The following SPRED1 variants were observed in gnomAD, a reference collection of about 807,000 sequenced individuals.
The protein encoded by SPRED1 is sprouty-related, EVH1 domain-containing protein 1.
Under a neutral mutation model 52.3 loss-of-function variants are expected in SPRED1, and 18 were observed. The ratio of observed to expected loss-of-function variants is 0.34; its 90% CI spans 0.24 to 0.51. The LOEUF (loss-of-function observed/expected upper bound fraction) is 0.51. SPRED1 is among the 20% of genes least tolerant of loss of function. The probability of loss-of-function intolerance (pLI) is 0.97; values close to 1 mark genes in which losing one functional copy is unlikely to be tolerated. For missense variants in SPRED1, 485 were observed against 551.0 expected, an observed-to-expected ratio of 0.88 and a Z score of 1.20; for synonymous variants, 155 against 179.7, an observed-to-expected ratio of 0.86 and a Z score of 1.10.
intron 1 of SPRED1, among the ~76,000 whole-genome samples, chr15:38,288,486 T>C (rs578178475): frequency 7.2e-5 from 11 of 152,108 alleles, no homozygotes; most frequent in Admixed American, 3.3e-4. Flanking sequence ...AAAGAAATAG[T>C]GGAGAGAAGG....
At chr15:38,274,282 C>G (rs1365990369) in intron 1 of SPRED1, among the ~76,000 whole-genome samples, 2 of 152,116 alleles carry the variant, frequency 1.3e-5, no homozygotes, top group Admixed American at 6.6e-5. Context: ...TTGTTTCTTC[C>G]CACAGACTGG....
chr15:38,351,089 T>C lies in SPRED1; in HGVS notation c.760T>C (p.Leu254=). ...EIVRINPRDI[L]IRRYADYRHP... is the part of the protein sequence containing the mutation. ...TGTCAGAATAAACCCTCGAGATATC[T>C]TAATACGTCGCTATGCAGACTACAG... The change falls in exon 7 of 7, where the codon TTA becomes CTA. Residue 254 remains leucine (L), a synonymous_variant. Transcript: ENST00000299084. 1 of 1,614,004 alleles carries C rather than the reference T, an allele frequency of 6.2e-7. No homozygotes were observed. The highest frequency in any genetic ancestry group is 8.5e-7 in the Non-Finnish European group (1 of 1,179,986).
At chr15:38,347,096 T>A (rs1258379488) in intron 5 of SPRED1, among the ~76,000 whole-genome samples, 2 of 152,152 alleles carry the variant, frequency 1.3e-5, no homozygotes, top group African/African-American at 4.8e-5. Flanking sequence ...GTTGAATTTA[T>A]CATTTCTCAT....
chr15:38,317,871 C>T (rs1396459567), intron 2 of SPRED1, among the ~76,000 whole-genome samples: 1 of 147,222 alleles, frequency 6.8e-6, no homozygotes, highest in Non-Finnish European at 1.5e-5. Flanking sequence ...CAGTTGGTAT[C>T]TGTCTCTGTT....
Position 38,300,062 on chromosome 15 carries a change from T to A in SPRED1, c.207+515T>A, listed in dbSNP as rs577871630. Among the ~76,000 whole-genome samples, 620 of 152,338 alleles carry A rather than the reference T, an allele frequency of 4.1e-3. 2 individuals carry two copies. Among genetic ancestry groups the A allele is most frequent in the Non-Finnish European group, 5.7e-3 (388 of 68,030 alleles). On this transcript the variant is annotated intron_variant, in intron 2 of 6. Transcript: ENST00000299084. ...GAACATAGCCAAGGTGATTCCCTTA[T>A]TAATTCCCTTATTTTCTAGTCTCAT...
intron 2 of SPRED1, among the ~76,000 whole-genome samples, chr15:38,309,800 GT>G (rs1389730210): frequency 1.3e-5 from 2 of 151,906 alleles, no homozygotes; most frequent in Admixed American, 6.6e-5. Flanking sequence ...AGATCAAGGG[GT>G]TTTTTTTCCT....
chr15:38,320,306 T>C (rs1895576178), intron 2 of SPRED1, among the ~76,000 whole-genome samples: 1 of 152,270 alleles, frequency 6.6e-6, no homozygotes, highest in African/African-American at 2.4e-5. Context: ...GCATAAAGCC[T>C]AAAAGATTTC....
rs149991304 is a variant in SPRED1 at position 38,349,472 on chromosome 15, C to T, written c.633C>T (p.Tyr211=). 2.4e-5 allele frequency: 39 copies of T among 1,612,466 alleles called. No individual in the cohort carries two copies. The Middle Eastern group carries it at 5.0e-4, about 21-fold the overall frequency. ...ACATTCAGAGCAGAAGTATGGAATACGTACAGCGGCAAATATCCAAGGAAT... is the reference window on the plus strand; with the variant it reads ...ACATTCAGAGCAGAAGTATGGAATATGTACAGCGGCAAATATCCAAGGAAT... ...GLDIQSRSME[Y]VQRQISKECG... is the part of the protein sequence containing the mutation. Residue 211 remains tyrosine, a synonymous_variant, in exon 6 of 7, where the codon TAC becomes TAT. Coordinates refer to ENST00000299084, the MANE Select transcript of SPRED1 (RefSeq NM_152594.3).
At chr15:38,260,493 T>C (rs941382885) in intron 1 of SPRED1, among the ~76,000 whole-genome samples, 2 of 151,684 alleles carry the variant, frequency 1.3e-5, no homozygotes, top group African/African-American at 4.9e-5. Context: ...ATAACACCAA[T>C]AGAAACTACG....
intron 1 of SPRED1, among the ~76,000 whole-genome samples, chr15:38,253,612 C>G (rs1393377773): frequency 1.3e-5 from 2 of 152,130 alleles, no homozygotes; most frequent in Non-Finnish European, 2.9e-5. Context: ...CACTTGGAAA[C>G]TAATGTGTGG....
intron 1 of SPRED1, among the ~76,000 whole-genome samples, chr15:38,291,255 T>A (rs1447102114): frequency 6.6e-6 from 1 of 152,204 alleles, no homozygotes; most frequent in African/African-American, 2.4e-5. Context: ...ATGCAAGAGG[T>A]AGGTTCCCAT....
intron 1 of SPRED1, among the ~76,000 whole-genome samples, chr15:38,298,204 ACAC>A (rs939042105): frequency 4.6e-5 from 7 of 152,162 alleles, no homozygotes; most frequent in African/African-American, 1.7e-4. Flanking sequence ...AAGACTGAAA[ACAC>A]CAAGTATTGG....
At position 38,351,243 on chromosome 15, in the gene SPRED1, C is replaced by G. The variant is rs1014323023; in HGVS notation, c.914C>G (p.Pro305Arg). 6.2e-7 allele frequency: 1 copy of G among 1,613,830 alleles called. No individual in the cohort carries two copies. The highest frequency in any genetic ancestry group is 1.3e-5 in the African/African-American group (1 of 74,864). Residue 305 changes from proline (P) to arginine (R), a missense_variant, in exon 7 of 7, where the codon CCC (proline) becomes CGC (arginine). By Grantham distance (103) the Pro-to-Arg change is moderately radical. Transcript: ENST00000299084. Reference protein sequence around the residue: ...SCGDETKLSSPKDSVVFKTQP... With the variant: ...SCGDETKLSSRKDSVVFKTQP... Reference sequence around the variant, plus strand: ...GGGGATGAGACTAAGTTAAGTTCACCCAAAGACTCTGTGGTATTTAAGACG... The same window carrying G: ...GGGGATGAGACTAAGTTAAGTTCACGCAAAGACTCTGTGGTATTTAAGACG...
intron 1 of SPRED1, among the ~76,000 whole-genome samples, chr15:38,271,315 A>G (rs1421234905): frequency 6.6e-6 from 1 of 152,244 alleles, no homozygotes; most frequent in Admixed American, 6.5e-5. Flanking sequence ...TAAAGGATCA[A>G]TCACACATGT....
At chr15:38,280,319 A>G (rs1003067994) in intron 1 of SPRED1, among the ~76,000 whole-genome samples, 1 of 152,170 alleles carries the variant, frequency 6.6e-6, no homozygotes, top group Admixed American at 6.5e-5. Flanking sequence ...CCAGCAAGTT[A>G]ATGAAAATCT....
chr15:38,326,115 T>G (rs1895706464), intron 4 of SPRED1: 1 of 152,128 alleles, frequency 6.6e-6, no homozygotes, highest in East Asian at 1.9e-4. Context: ...GGATAGAGCG[T>G]CAGTGAGGGC....
chr15:38,291,467 G>A (rs372231195), intron 1 of SPRED1, among the ~76,000 whole-genome samples: 1 of 152,216 alleles, frequency 6.6e-6, no homozygotes, highest in East Asian at 1.9e-4. Flanking sequence ...TCTGTGTCGG[G>A]GCTCTGACCC....
chr15:38,346,034 G>C lies in SPRED1; in HGVS notation c.583-3388G>C, dbSNP rs114026057. 9.7e-3 allele frequency among the ~76,000 whole-genome samples: 1,482 copies of C among 152,200 alleles called. 26 individuals are homozygous for C. The highest frequency in any genetic ancestry group is 0.034 in the African/African-American group (1,411 of 41,522). ...TCTTTGACTCGTTTTTTAATGCTTT[G>C]AAGAGCTAGTAAATCTTTTGAGGTC... On this transcript the variant is annotated intron_variant, in intron 5 of 6. Coordinates refer to ENST00000299084, the MANE Select transcript of SPRED1 (RefSeq NM_152594.3).
At chr15:38,329,967 C>T (rs2141000397) in intron 4 of SPRED1, among the ~76,000 whole-genome samples, 1 of 152,228 alleles carries the variant, frequency 6.6e-6, no homozygotes, top group South Asian at 2.1e-4. Flanking sequence ...TGAATATTTC[C>T]CACAGCATTT....
Sources: gnomAD v4.1 joint callset for allele counts (sites outside exome capture counted in the v4.1 genomes callset) on GRCh38, gnomAD v4.1.1 for gene constraint, MANE v1.5 for transcripts, NCBI Gene and HGNC (gene_info 2026-07-23, HGNC 2026-07-21) for gene names.